ZBBX: variants seen among roughly 807,000 people sequenced by gnomAD.
The protein encoded by ZBBX is zinc finger B-box domain-containing protein 1.
ZBBX carries 101 observed loss-of-function variants against 108.5 expected under a neutral mutation model. That is an observed-to-expected ratio of 0.93 (90% CI 0.79 to 1.10). ZBBX has a LOEUF of 1.10. Among genes scored for constraint, ZBBX ranks in the 50% least tolerant of loss-of-function variants. The pLI, the probability that ZBBX is intolerant of heterozygous loss-of-function variation, is 0.00. For synonymous variants in ZBBX, 356 were observed against 323.4 expected (o/e 1.10, Z -1.08); for missense variants, 1,009 against 941.4 (o/e 1.07, Z -0.94).
rs1280886040 is a variant in ZBBX, at chr3:167,402,173, T to G, written c.-446+5553A>C. Among the ~76,000 whole-genome samples, 9 of 152,156 alleles carry G rather than the reference T, an allele frequency of 5.9e-5. No homozygotes were observed. The South Asian group carries it at 1.9e-3, about 32-fold the overall frequency. On this transcript the variant is annotated intron_variant, in intron 1 of 21. Coordinates refer to the ZBBX transcript ENST00000455345. The stretch of plus-strand genomic sequence containing the variant: ...CATTCTCTCCACCTTATCCCAAGTT[T>G]GCTGAAAACAATGAAATTGAAGTAA...
intron 20 of ZBBX, among the ~76,000 whole-genome samples, chr3:167,277,129 G>A (rs1727745165): frequency 6.6e-6 from 1 of 151,914 alleles, no homozygotes; most frequent in Non-Finnish European, 1.5e-5. Flanking sequence ...GGTACCAGCT[G>A]CTGCAAAATC....
chr3:167,327,193 C>T (rs1011653043), intron 11 of ZBBX, among the ~76,000 whole-genome samples: 4 of 149,344 alleles, frequency 2.7e-5, no homozygotes, highest in South Asian at 2.1e-4. Context: ...ACAATGAGAA[C>T]GCAAATCAAT....
In ZBBX at chr3:167,317,090, A is replaced by C. The variant is rs761578033; in HGVS notation, c.1109T>G (p.Val370Gly). 6.2e-7 allele frequency: 1 copy of C among 1,607,650 alleles called. No individual in the cohort carries two copies. Among genetic ancestry groups the C allele is most frequent in the South Asian group, 1.1e-5 (1 of 90,548 alleles). The stretch of plus-strand genomic sequence containing the variant: ...TGGCAATAAAAGAGCTGTGTGTTGT[A>C]CTTTGGTCTCCTCACCTAGGAAATA... ...DEDSDGEETK[V>G]QHTALLLPVE... Residue 370 changes from valine to glycine, a missense_variant, in exon 14 of 22, where the codon GTA (valine) becomes GGA (glycine). Transcript: ENST00000675490.
At chr3:167,382,246 T>C (rs768399057), upstream of ZBBX, among the ~76,000 whole-genome samples, 1 of 152,346 alleles carries the variant, frequency 6.6e-6, no homozygotes, top group East Asian at 1.9e-4. Context: ...ACTAAGCCTA[T>C]GCTAAGTCAC....
intron 1 of ZBBX, among the ~76,000 whole-genome samples, chr3:167,398,308 A>G (rs1748314115): frequency 1.3e-5 from 2 of 152,092 alleles, no homozygotes; most frequent in Admixed American, 1.3e-4. Context: ...ATGCAAATTC[A>G]TTTTATCTTG....
At chr3:167,213,506 A>G in the ZBBX span, among the ~76,000 whole-genome samples, 1 of 152,314 alleles carries the variant, frequency 6.6e-6, no homozygotes, top group Non-Finnish European at 1.5e-5. Context: ...AAAAATAATA[A>G]AAAGCAAGGA....
intron 5 of ZBBX, chr3:167,367,023 A>T: frequency 2.5e-6 from 1 of 395,670 alleles, no homozygotes; most frequent in South Asian, 1.9e-5. Context: ...AATGGACTCT[A>T]AAGATAAATA....
At chr3:167,268,673 C>A (rs757256933) in intron 20 of ZBBX, among the ~76,000 whole-genome samples, 1 of 152,094 alleles carries the variant, frequency 6.6e-6, no homozygotes, top group Admixed American at 6.5e-5. Context: ...GTTAAAACTC[C>A]ACTTTGTCAC....
At chr3:167,195,519 T>C in the ZBBX span, among the ~76,000 whole-genome samples, 1 of 152,204 alleles carries the variant, frequency 6.6e-6, no homozygotes, top group Non-Finnish European at 1.5e-5. Flanking sequence ...GTAGCTGTGT[T>C]GAACTTACAT....
the ZBBX span, among the ~76,000 whole-genome samples, chr3:167,221,413 G>A: frequency 6.6e-6 from 1 of 151,824 alleles, no homozygotes; most frequent in Non-Finnish European, 1.5e-5. Context: ...AACATACATG[G>A]GGAAAAGGGC....
At chr3:167,360,055 T>A (rs1015860924) in intron 7 of ZBBX, 76 bp from the exon 8 acceptor site, 44 of 687,504 alleles carry the variant, frequency 6.4e-5, no homozygotes, top group Non-Finnish European at 8.1e-5. Flanking sequence ...TTAATGAAAC[T>A]ATGCATACTT....
chr3:167,334,113 A>G, intron 9 of ZBBX, 128 bp from the exon 10 acceptor site: 1 of 689,384 alleles, frequency 1.5e-6, no homozygotes, highest in South Asian at 3.7e-5. Flanking sequence ...ATATTTAAAA[A>G]GACAAATTGG....
intron 16 of ZBBX, among the ~76,000 whole-genome samples, chr3:167,311,700 A>T (rs1404932479): frequency 6.6e-6 from 1 of 151,624 alleles, no homozygotes; most frequent in Non-Finnish European, 1.5e-5. Flanking sequence ...ATCATATGTC[A>T]ACAGAGAATT....
chr3:167,238,096 A>G (rs1320398179), downstream of ZBBX, among the ~76,000 whole-genome samples: 2 of 152,020 alleles, frequency 1.3e-5, no homozygotes, highest in African/African-American at 4.8e-5. Flanking sequence ...AAGAGTCATG[A>G]AACCTTAAAC....
chr3:167,367,765 G>A (rs1386706314), intron 5 of ZBBX, among the ~76,000 whole-genome samples: 6 of 151,308 alleles, frequency 4.0e-5, no homozygotes, highest in African/African-American at 1.4e-4. Flanking sequence ...GAGCTAAGAA[G>A]AGAGAATTTC....
At chr3:167,406,860 G>A (rs1246567316) in intron 1 of ZBBX, among the ~76,000 whole-genome samples, 2 of 152,050 alleles carry the variant, frequency 1.3e-5, no homozygotes, top group Admixed American at 1.3e-4. Context: ...ATGGAAATAG[G>A]GCAAATTGGG....
chr3:167,209,784 C>T, the ZBBX span, among the ~76,000 whole-genome samples: 7 of 152,220 alleles, frequency 4.6e-5, no homozygotes, highest in South Asian at 8.3e-4. Flanking sequence ...GTATGACCTT[C>T]CAGACACAGA....
intron 18 of ZBBX, among the ~76,000 whole-genome samples, chr3:167,290,924 T>C (rs1730570331): frequency 6.6e-6 from 1 of 151,990 alleles, no homozygotes; most frequent in East Asian, 1.9e-4. Context: ...CAAGTGTCAA[T>C]AGCTGAATAG....
the ZBBX span, among the ~76,000 whole-genome samples, chr3:167,226,738 GA>G: frequency 1.3e-5 from 2 of 151,504 alleles, no homozygotes; most frequent in Admixed American, 6.6e-5. Context: ...CATCTTTAAG[GA>G]AAACTTTCTT....
Sources: gnomAD v4.1 joint callset for allele counts (sites outside exome capture counted in the v4.1 genomes callset) on GRCh38, gnomAD v4.1.1 for gene constraint, MANE v1.5 for transcripts, NCBI Gene and HGNC (gene_info 2026-07-23, HGNC 2026-07-21) for gene names.